Variants in NFIB observed in about 807,000 individuals in gnomAD.
NFIB encodes nuclear factor I B, also known as nuclear factor 1 B-type.
NFIB carries 11 observed loss-of-function variants against 61.5 expected under a neutral mutation model. That is an observed-to-expected ratio of 0.18 (90% CI 0.11 to 0.30). NFIB has a LOEUF of 0.30. Among genes scored for constraint, NFIB ranks in the 10% least tolerant of loss-of-function variants. The pLI, the probability that NFIB is intolerant of heterozygous loss-of-function variation, is 1.00. For synonymous variants in NFIB, 260 were observed against 216.5 expected (o/e 1.20, Z -1.76); for missense variants, 471 against 608.9 (o/e 0.77, Z 2.38).
intron 1 of NFIB, among the ~76,000 whole-genome samples, chr9:14,386,359 A>G (rs893581051): frequency 2.0e-5 from 3 of 152,216 alleles, no homozygotes; most frequent in African/African-American, 4.8e-5. Context: ...CCAAAAGAAC[A>G]GAGTCCATCA....
At chr9:14,182,683 C>A (rs2046907077) in intron 2 of NFIB, among the ~76,000 whole-genome samples, 1 of 40,976 alleles carries the variant, frequency 2.4e-5, no homozygotes, top group African/African-American at 6.3e-5. Context: ...ACACCCCCCA[C>A]CTCTCTCTCT....
intron 6 of NFIB, among the ~76,000 whole-genome samples, chr9:14,131,795 C>A (rs759264075): frequency 6.6e-6 from 1 of 152,126 alleles, no homozygotes; most frequent in African/African-American, 2.4e-5. Context: ...TCATCCAAGT[C>A]GCTCCCGGGA....
chr9:14,504,145 G>A, the NFIB span, among the ~76,000 whole-genome samples: 32 of 152,092 alleles, frequency 2.1e-4, no homozygotes, highest in Non-Finnish European at 4.4e-4. Context: ...TGAAGTACTT[G>A]GCTTTATTTC....
At chr9:14,350,172 G>A (rs1340328112) in intron 1 of NFIB, among the ~76,000 whole-genome samples, 2 of 152,116 alleles carry the variant, frequency 1.3e-5, no homozygotes, top group Admixed American at 6.5e-5. Flanking sequence ...AGTCCCAGGG[G>A]CCCCGACCCA....
At chr9:14,393,925 A>G (rs1205618598) in intron 1 of NFIB, among the ~76,000 whole-genome samples, 2 of 152,240 alleles carry the variant, frequency 1.3e-5, no homozygotes, top group African/African-American at 2.4e-5. Flanking sequence ...CAAATACAGA[A>G]ATGGTTATCC....
At chr9:14,282,345 T>C (rs1307936958) in intron 2 of NFIB, among the ~76,000 whole-genome samples, 1 of 152,156 alleles carries the variant, frequency 6.6e-6, no homozygotes, top group Non-Finnish European at 1.5e-5. Context: ...CCATAAATAT[T>C]ATTAAAGCAT....
intron 2 of NFIB, among the ~76,000 whole-genome samples, chr9:14,299,717 T>C (rs2059647150): frequency 6.6e-6 from 1 of 152,224 alleles, no homozygotes; most frequent in Admixed American, 6.5e-5. Context: ...CAGAGATCTT[T>C]AATTTGTCAG....
intron 1 of NFIB, among the ~76,000 whole-genome samples, chr9:14,359,744 C>A (rs1194975949): frequency 1.3e-5 from 2 of 152,100 alleles, no homozygotes; most frequent in Non-Finnish European, 2.9e-5. Flanking sequence ...TATGGTAAAA[C>A]AAACACTCTC....
At chr9:14,416,691 T>C in the NFIB span, among the ~76,000 whole-genome samples, 1 of 151,910 alleles carries the variant, frequency 6.6e-6, no homozygotes, top group East Asian at 1.9e-4. Context: ...CTAAGACTAA[T>C]TTATTATTGA....
chr9:14,261,198 T>A (rs921553025), intron 2 of NFIB, among the ~76,000 whole-genome samples: 4 of 151,994 alleles, frequency 2.6e-5, no homozygotes, highest in Non-Finnish European at 4.4e-5. Flanking sequence ...GCACCTGTAA[T>A]CCCAGCTACT....
chr9:14,463,896 G>A, the NFIB span, among the ~76,000 whole-genome samples: 2 of 152,050 alleles, frequency 1.3e-5, no homozygotes, highest in Admixed American at 6.6e-5. Context: ...TCCTGACCTC[G>A]TGGTCCGACC....
At chr9:14,190,179 A>G (rs1385139177) in intron 2 of NFIB, among the ~76,000 whole-genome samples, 3 of 152,150 alleles carry the variant, frequency 2.0e-5, no homozygotes, top group African/African-American at 7.2e-5. Context: ...GGTTTTTTAT[A>G]TCTTATGTTA....
upstream of NFIB, among the ~76,000 whole-genome samples, chr9:14,314,796 T>TA (rs1170425333): frequency 2.0e-5 from 3 of 147,758 alleles, no homozygotes; most frequent in Non-Finnish European, 4.5e-5. Flanking sequence ...CATGACTTTT[T>TA]TTTTTTTTCC....
At chr9:14,514,323 T>TACACACACACACACACACACACAC in the NFIB span, among the ~76,000 whole-genome samples, 3 of 147,428 alleles carry the variant, frequency 2.0e-5, no homozygotes, top group East Asian at 4.0e-4. Flanking sequence ...CATACATACA[T>TACACACACACACACACACACACAC]ACATACACAC....
the NFIB span, among the ~76,000 whole-genome samples, chr9:14,436,421 A>T: frequency 6.6e-6 from 1 of 152,212 alleles, no homozygotes; most frequent in African/African-American, 2.4e-5. Context: ...AGAAGTGTTC[A>T]CCAGGTAAGG....
chr9:14,457,467 G>C, the NFIB span, among the ~76,000 whole-genome samples: 2 of 151,870 alleles, frequency 1.3e-5, no homozygotes, highest in Admixed American at 6.6e-5. Context: ...AGAAGCGAGA[G>C]CAAACACATT....
At chr9:14,359,599 A>C (rs1056872929) in intron 1 of NFIB, among the ~76,000 whole-genome samples, 2 of 152,204 alleles carry the variant, frequency 1.3e-5, no homozygotes, top group Admixed American at 6.5e-5. Context: ...TTTTGTTTTA[A>C]GCCACCAGTT....
intron 4 of NFIB, among the ~76,000 whole-genome samples, chr9:14,151,372 T>G (rs940928453): frequency 6.6e-6 from 1 of 152,182 alleles, no homozygotes; most frequent in Non-Finnish European, 1.5e-5. Flanking sequence ...AATTACTGAC[T>G]GTGTCCACTG....
rs763493412 is a variant in NFIB, at chr9:14,086,041, T to C, written c.*2268A>G. ...AGTCTGCCTCCAGGAGAATTTGTTGTGTTTGCTTGTTCTTACTATTGTGTT... is the reference window on the plus strand; with the variant it reads ...AGTCTGCCTCCAGGAGAATTTGTTGCGTTTGCTTGTTCTTACTATTGTGTT... On this transcript the variant is annotated 3_prime_UTR_variant, in exon 11 of 11. Coordinates refer to ENST00000380953, the MANE Select transcript of NFIB (RefSeq NM_001190737.2). The C allele has an allele frequency of 1.4e-4, 31 of 228,118 alleles. No homozygotes were observed. Among genetic ancestry groups the C allele is most frequent in the Non-Finnish European group, 2.4e-4 (28 of 114,616 alleles). 14.1% of individuals were successfully genotyped at this position (228,118 alleles called of 1,614,324 possible).
Sources: allele counts gnomAD v4.1 joint callset (sites outside exome capture counted in the v4.1 genomes callset), GRCh38; gene constraint gnomAD v4.1.1; transcripts MANE v1.5; gene names NCBI Gene and HGNC (gene_info 2026-07-23, HGNC 2026-07-21).